Variants in NGEF observed in about 807,000 individuals in gnomAD.
NGEF encodes ephexin-1.
In NGEF, 31 loss-of-function variants were observed where a neutral mutation model predicts 80.9. That is an observed-to-expected ratio of 0.38 (90% CI 0.29 to 0.52). The LOEUF (loss-of-function observed/expected upper bound fraction) is 0.52. NGEF is among the 20% of genes least tolerant of loss of function. NGEF has a pLI of 0.84. For synonymous variants in NGEF, 371 were observed against 370.2 expected (o/e 1.00, Z -0.03); for missense variants, 709 against 926.2 (o/e 0.77, Z 3.04).
intron 4 of NGEF, among the ~76,000 whole-genome samples, chr2:232,921,601 G>A (rs930662278): frequency 6.6e-6 from 1 of 151,444 alleles, no homozygotes; most frequent in African/African-American, 2.4e-5. Flanking sequence ...ACAGGTGTGT[G>A]TCACCATGGC....
chr2:232,966,503 C>T (rs553669256), intron 3 of NGEF, among the ~76,000 whole-genome samples: 1 of 152,038 alleles, frequency 6.6e-6, no homozygotes, highest in Non-Finnish European at 1.5e-5. Flanking sequence ...GAACAAGGTG[C>T]CTGTTCCCCA....
chr2:232,984,132 T>G (rs1331780528), intron 1 of NGEF, among the ~76,000 whole-genome samples: 1 of 152,258 alleles, frequency 6.6e-6, no homozygotes, highest in African/African-American at 2.4e-5. Context: ...TCACCCAGGC[T>G]GGAGTGCAGT....
chr2:232,980,078 A>C (rs1178893128), intron 1 of NGEF, among the ~76,000 whole-genome samples: 1 of 152,186 alleles, frequency 6.6e-6, no homozygotes, highest in Non-Finnish European at 1.5e-5. Flanking sequence ...TGATGTGGTC[A>C]AAAGATGCTG....
rs1328064894 is a variant in NGEF at position 232,946,944 on chromosome 2, GTCT to G, written c.384-19761_384-19759del. Among the ~76,000 whole-genome samples the G allele has an allele frequency of 2.2e-5, 3 of 133,530 alleles. No individual in the cohort carries two copies. The East Asian group carries it at 6.1e-4, about 27-fold the overall frequency. 87.6% of individuals were successfully genotyped at this position (133,530 alleles called of 152,430 possible). On this transcript the variant is annotated intron_variant, in intron 3 of 14. Coordinates refer to ENST00000264051, the MANE Select transcript of NGEF (RefSeq NM_019850.3). ...AAACAAACCAAAAAACAAAGGAAGGGTCTTCTTCACAGAAGAAAATCAACTAAT... is the reference window on the plus strand; with the variant it reads ...AAACAAACCAAAAAACAAAGGAAGGGTCTTCACAGAAGAAAATCAACTAAT...
At chr2:232,902,117 T>G (rs943280063) in intron 5 of NGEF, among the ~76,000 whole-genome samples, 2 of 152,238 alleles carry the variant, frequency 1.3e-5, no homozygotes, top group Non-Finnish European at 2.9e-5. Flanking sequence ...GTCCTCTTGC[T>G]GCAGCCGCCC....
chr2:232,997,906 G>A (rs1694887629), intron 1 of NGEF, among the ~76,000 whole-genome samples: 1 of 152,182 alleles, frequency 6.6e-6, no homozygotes, highest in African/African-American at 2.4e-5. Flanking sequence ...CCCACAGGTG[G>A]CCGTGGGTGA....
intron 3 of NGEF, among the ~76,000 whole-genome samples, chr2:232,952,989 A>C (rs1055630440): frequency 7.5e-5 from 11 of 145,978 alleles, no homozygotes; most frequent in South Asian, 4.4e-4. Context: ...AAAAAAAAAA[A>C]AAAAAAAAAC....
chr2:233,005,564 G>C (rs1447956018), intron 1 of NGEF, among the ~76,000 whole-genome samples: 1 of 151,184 alleles, frequency 6.6e-6, no homozygotes, highest in African/African-American at 2.5e-5. Context: ...TATTCACAAG[G>C]CTCCTTATAA....
intron 5 of NGEF, among the ~76,000 whole-genome samples, chr2:232,907,143 C>T (rs1292358150): frequency 3.8e-5 from 5 of 132,534 alleles, no homozygotes; most frequent in Non-Finnish European, 7.9e-5. Context: ...GCGAGAAACA[C>T]CCAAGAATGA....
At chr2:232,962,136 A>G (rs1461120307) in intron 3 of NGEF, among the ~76,000 whole-genome samples, 1 of 152,260 alleles carries the variant, frequency 6.6e-6, no homozygotes, top group Non-Finnish European at 1.5e-5. Flanking sequence ...TTGGCCAGGA[A>G]ATAAGACAAG....
chr2:232,882,049 C>T, intron 13 of NGEF, 137 bp downstream of exon 13: 1 of 713,934 alleles, frequency 1.4e-6, no homozygotes, highest in South Asian at 1.8e-5. Flanking sequence ...GGAAGCAGCC[C>T]CTGGAGGCCC....
chr2:232,939,401 A>AGTG (rs1693396621), intron 3 of NGEF, among the ~76,000 whole-genome samples: 1 of 152,174 alleles, frequency 6.6e-6, no homozygotes, highest in Non-Finnish European at 1.5e-5. Context: ...AAATGCATTC[A>AGTG]CTATGGTAAC....
intron 3 of NGEF, among the ~76,000 whole-genome samples, chr2:232,935,112 T>G (rs1383571145): frequency 6.6e-6 from 1 of 152,256 alleles, no homozygotes; most frequent in Non-Finnish European, 1.5e-5. Flanking sequence ...GATTATTTTT[T>G]CCTTTGGGTT....
chr2:232,996,319 C>T (rs561371627), intron 1 of NGEF, among the ~76,000 whole-genome samples: 2 of 152,190 alleles, frequency 1.3e-5, no homozygotes, highest in Non-Finnish European at 2.9e-5. Context: ...CAGAGTGAGG[C>T]TTTGTCTCAA....
chr2:232,900,903 C>T (rs902949939), intron 5 of NGEF, among the ~76,000 whole-genome samples: 1 of 152,262 alleles, frequency 6.6e-6, no homozygotes, highest in Non-Finnish European at 1.5e-5. Context: ...CCCTCTCAGG[C>T]AGCGCGGGCC....
chr2:232,980,699 A>G (rs1694395692), intron 1 of NGEF, among the ~76,000 whole-genome samples: 2 of 152,028 alleles, frequency 1.3e-5, no homozygotes, highest in Admixed American at 6.5e-5. Context: ...GGGTTTCACC[A>G]TGTTGGCCAA....
At chr2:232,880,584 T>A (rs900016164) in intron 14 of NGEF, among the ~76,000 whole-genome samples, 16 of 152,314 alleles carry the variant, frequency 1.1e-4, no homozygotes, top group African/African-American at 3.8e-4. Context: ...TCAGGAGCAA[T>A]TACTGTAGAC....
At chr2:232,946,815 G>C (rs557209410) in intron 3 of NGEF, among the ~76,000 whole-genome samples, 1 of 152,328 alleles carries the variant, frequency 6.6e-6, no homozygotes, top group East Asian at 1.9e-4. Context: ...GGGCTCCTAT[G>C]TGACAGTTTG....
intron 1 of NGEF, among the ~76,000 whole-genome samples, chr2:232,983,388 G>A (rs1032787950): frequency 1.3e-5 from 2 of 152,116 alleles, no homozygotes; most frequent in Admixed American, 1.3e-4. Flanking sequence ...CAAGACCAGG[G>A]CAGAAGGCAG....
Sources: gnomAD v4.1 joint callset for allele counts (sites outside exome capture counted in the v4.1 genomes callset) on GRCh38, gnomAD v4.1.1 for gene constraint, MANE v1.5 for transcripts, NCBI Gene and HGNC (gene_info 2026-07-23, HGNC 2026-07-21) for gene names.